WDR33: variants seen among roughly 807,000 people sequenced by gnomAD.
WDR33 encodes the protein pre-mRNA 3' end processing protein WDR33.
WDR33 carries 47 observed loss-of-function variants against 164.9 expected under a neutral mutation model. The observed-to-expected ratio is 0.29, with a 90% CI of 0.23 to 0.36. The LOEUF (loss-of-function observed/expected upper bound fraction) is 0.36. WDR33 is among the 10% of genes least tolerant of loss of function. The pLI is 1.00. For missense variants in WDR33, 1,137 were observed against 1,754.1 expected (o/e 0.65, Z 6.28); for synonymous variants, 505 against 589.0 (o/e 0.86, Z 2.06).
chr2:127,810,655 T>C (rs1464768116), intron 1 of WDR33: 1 of 150,764 alleles, frequency 6.6e-6, no homozygotes, highest in African/African-American at 2.5e-5. Context: ...AACCAACTAC[T>C]TCAACTCGGC....
At chr2:127,784,777 T>C (rs941417072) in intron 1 of WDR33, among the ~76,000 whole-genome samples, 3 of 152,232 alleles carry the variant, frequency 2.0e-5, no homozygotes, top group Non-Finnish European at 2.9e-5. Context: ...GCATGATTTT[T>C]ATAACATCAT....
chr2:127,772,447 A>T (rs1437528337), intron 1 of WDR33, among the ~76,000 whole-genome samples: 1 of 151,794 alleles, frequency 6.6e-6, no homozygotes, highest in Non-Finnish European at 1.5e-5. Context: ...AAAAAAAAAA[A>T]TTCCACTTAG....
In WDR33 at chr2:127,738,828, G is replaced by C. The variant is rs1182810559; in HGVS notation, c.725-12051C>G. On this transcript the variant is annotated intron_variant, in intron 7 of 21. Transcript: ENST00000322313. This position sits in a 1 kb window ranked among gnomAD's most constrained non-coding sequence, Gnocchi z 4.4. ...ATGGGTTAGTCCTGCCCCGCAAGCA[G>C]TCACTCTGTAAATAATTTTCTTGAT... 6.6e-6 allele frequency among the ~76,000 whole-genome samples: 1 copy of C among 152,176 alleles called. No individual in the cohort carries two copies. Among genetic ancestry groups the C allele is most frequent in the African/African-American group, 2.4e-5 (1 of 41,430 alleles).
chr2:127,743,916 C>T (rs991826085), intron 7 of WDR33, among the ~76,000 whole-genome samples: 2 of 152,012 alleles, frequency 1.3e-5, no homozygotes, highest in African/African-American at 2.4e-5. Context: ...TTCTGATGAC[C>T]ACAAGAATAG....
At chr2:127,798,367 C>CAAAAA (rs61568967) in intron 1 of WDR33, among the ~76,000 whole-genome samples, 2 of 19,284 alleles carry the variant, frequency 1.0e-4, no homozygotes, top group East Asian at 6.0e-4. Context: ...GACACCGTCG[C>CAAAAA]AAAAAAAAAA....
Position 127,726,894 on chromosome 2 carries a change from T to G in WDR33, c.725-117A>C, listed in dbSNP as rs748206614. On this transcript the variant is annotated intron_variant, in intron 7 of 21. Transcript: ENST00000322313. The surrounding 1 kb of genome is among the most constrained non-coding windows in gnomAD (Gnocchi z 4.8). ...TCTCAGTGCTCAGTCAACTTAAAACTTGTTTTGTGAAGACTCTTTGGCCTC... is the reference window on the plus strand; with the variant it reads ...TCTCAGTGCTCAGTCAACTTAAAACGTGTTTTGTGAAGACTCTTTGGCCTC... 1.7e-5 allele frequency: 24 copies of G among 1,379,028 alleles called. No homozygotes were observed. The highest frequency in any genetic ancestry group is 2.4e-5 in the Non-Finnish European group (24 of 1,013,812). 85.4% of individuals were successfully genotyped at this position (1,379,028 alleles called of 1,614,324 possible).
At chr2:127,800,193 T>C (rs1689185545) in intron 1 of WDR33, among the ~76,000 whole-genome samples, 1 of 152,216 alleles carries the variant, frequency 6.6e-6, no homozygotes. Flanking sequence ...TCCACACAAA[T>C]ATTTGTACGT....
chr2:127,737,247 T>C (rs1217017453), intron 7 of WDR33: 1 of 985,302 alleles, frequency 1.0e-6, no homozygotes, highest in East Asian at 1.1e-4. Flanking sequence ...TTAACACCAA[T>C]ATCATAGAGA....
chr2:127,736,556 T>C (rs1305562455), intron 7 of WDR33: 1 of 985,322 alleles, frequency 1.0e-6, no homozygotes, highest in East Asian at 1.1e-4. Flanking sequence ...ACACATTTAC[T>C]TTGCCTATGT....
At chr2:127,769,047 T>TA in intron 2 of WDR33, 46 bp from the exon 3 acceptor site, 3 of 847,070 alleles carry the variant, frequency 3.5e-6, no homozygotes, top group Non-Finnish European at 4.8e-6. Context: ...ATAGATCAAT[T>TA]AATGACTATA....
chr2:127,801,838 C>T (rs2104680960), intron 1 of WDR33, among the ~76,000 whole-genome samples: 1 of 151,806 alleles, frequency 6.6e-6, no homozygotes, highest in East Asian at 1.9e-4. Context: ...GAGCCGAGAT[C>T]GTGCCACTGC....
At chr2:127,786,844 C>CT (rs71307273) in intron 1 of WDR33, among the ~76,000 whole-genome samples, 4,835 of 111,820 alleles carry the variant, frequency 0.043, 130 homozygotes, top group Admixed American at 0.059. Context: ...CCTTTCTGTT[C>CT]TTTTTTTTTT....
rs1427628689 is a variant in WDR33, at chr2:127,706,408, C to T, written c.3926G>A (p.Ser1309Asn). Reference protein sequence around the residue: ...GSGTPSRGGRSGSNWGRGSNM... With the variant: ...GSGTPSRGGRNGSNWGRGSNM... ...ACTCCCTCTACCCCAGTTACTGCCA[C>T]TCCGGCCCCCTCGAGAAGGGGTGCC... Residue 1309 changes from serine (S) to asparagine (N), a missense_variant, in exon 22 of 22, where the codon AGT becomes AAT. Ser to Asn is a conservative substitution (Grantham distance 46). Coordinates refer to ENST00000322313, the MANE Select transcript of WDR33 (RefSeq NM_018383.5). The surrounding 1 kb of genome is among the most constrained non-coding windows in gnomAD (Gnocchi z 5.1). The T allele has an allele frequency of 1.2e-6, 2 of 1,613,830 alleles. No homozygotes were observed. Among genetic ancestry groups the T allele is most frequent in the East Asian group, 2.2e-5 (1 of 44,872 alleles).
In WDR33 at chr2:127,714,976, C is replaced by T. The variant is rs888068568; in HGVS notation, c.2870-955G>A. Among the ~76,000 whole-genome samples, 2 of 152,074 alleles carry T rather than the reference C, an allele frequency of 1.3e-5. No homozygotes were observed. The highest frequency in any genetic ancestry group is 4.8e-5 in the African/African-American group (2 of 41,390). ...ATTCCTCCAATAGCCCAGTTCATGC[C>T]TTTTACTGCTTTTCCCTGGCTATAA... is the stretch of plus-strand genomic sequence containing the variant. On this transcript the variant is annotated intron_variant, in intron 17 of 21. Transcript: ENST00000322313. The surrounding 1 kb of genome is among the most constrained non-coding windows in gnomAD (Gnocchi z 4.3).
rs889274594 is a variant in WDR33 at position 127,708,433 on chromosome 2, T to C, written c.3781+244A>G. 1.3e-5 allele frequency among the ~76,000 whole-genome samples: 2 copies of C among 152,222 alleles called. No individual in the cohort carries two copies. The highest frequency in any genetic ancestry group is 4.8e-5 in the African/African-American group (2 of 41,458). On this transcript the variant is annotated intron_variant, in intron 21 of 21. Coordinates refer to ENST00000322313, the MANE Select transcript of WDR33 (RefSeq NM_018383.5). The surrounding 1 kb of genome is among the most constrained non-coding windows in gnomAD (Gnocchi z 6.7). ...AGACAGCAAGCCGAGCAGAGAGTGCTGGGGCATCTTGGCAGAGGGCTGAAG... is the reference window on the plus strand; with the variant it reads ...AGACAGCAAGCCGAGCAGAGAGTGCCGGGGCATCTTGGCAGAGGGCTGAAG...
intron 1 of WDR33, among the ~76,000 whole-genome samples, chr2:127,777,285 C>A (rs914355515): frequency 6.6e-6 from 1 of 152,208 alleles, no homozygotes; most frequent in African/African-American, 2.4e-5. Context: ...GTACAGCGCA[C>A]AATTCTGATT....
At chr2:127,808,508 T>C (rs561717216) in intron 1 of WDR33, among the ~76,000 whole-genome samples, 1 of 152,218 alleles carries the variant, frequency 6.6e-6, no homozygotes, top group Non-Finnish European at 1.5e-5. Flanking sequence ...CAGATGAGAG[T>C]AGCACTGCTC....
At chr2:127,788,361 T>A (rs1228145936) in intron 1 of WDR33, among the ~76,000 whole-genome samples, 2 of 86,992 alleles carry the variant, frequency 2.3e-5, no homozygotes, top group Admixed American at 2.3e-4. Flanking sequence ...CACTTCCCAG[T>A]AGGGGCGGCC....
intron 7 of WDR33, among the ~76,000 whole-genome samples, chr2:127,747,757 C>T (rs1046290490): frequency 6.6e-6 from 1 of 152,120 alleles, no homozygotes; most frequent in East Asian, 1.9e-4. Flanking sequence ...CTGTGCCTGC[C>T]GAGCATGTCG....
Sources: gnomAD v4.1 joint callset for allele counts (sites outside exome capture counted in the v4.1 genomes callset) on GRCh38, gnomAD v4.1.1 for gene constraint, Gnocchi (gnomAD v3.1) non-coding constraint, MANE v1.5 for transcripts, NCBI Gene and HGNC (gene_info 2026-07-23, HGNC 2026-07-21) for gene names.